Variants in PHF20 observed in about 807,000 individuals in gnomAD.
PHF20 encodes the protein PHD finger protein 20.
Under a neutral mutation model 113.5 loss-of-function variants are expected in PHF20, and 23 were observed. The ratio of observed to expected loss-of-function variants is 0.20; its 90% CI spans 0.15 to 0.29. PHF20 has a LOEUF of 0.29. PHF20 is among the 10% of genes least tolerant of loss of function. The pLI, the probability that PHF20 is intolerant of heterozygous loss-of-function variation, is 1.00. For missense variants in PHF20, 943 were observed against 1,219.6 expected (o/e 0.77, Z 3.38); for synonymous variants, 434 against 457.3 (o/e 0.95, Z 0.65).
At chr20:35,806,783 C>A (rs1430000101) in intron 2 of PHF20, among the ~76,000 whole-genome samples, 1 of 148,766 alleles carries the variant, frequency 6.7e-6, no homozygotes, top group Non-Finnish European at 1.5e-5. Flanking sequence ...TATTCTTAGA[C>A]CTTTACTCTT....
intron 5 of PHF20, 97 bp downstream of exon 5, chr20:35,858,478 G>C: frequency 3.1e-6 from 2 of 636,032 alleles, no homozygotes. Flanking sequence ...ATGATAGCAA[G>C]TGTTTATTTC....
chr20:35,864,426 A>ACG (rs1322835460), intron 6 of PHF20, among the ~76,000 whole-genome samples: 2 of 151,294 alleles, frequency 1.3e-5, no homozygotes, highest in Admixed American at 1.3e-4. Flanking sequence ...ACACACACAC[A>ACG]CACACACACA....
At chr20:35,928,841 G>A (rs1470358947) in intron 14 of PHF20, among the ~76,000 whole-genome samples, 1 of 152,174 alleles carries the variant, frequency 6.6e-6, no homozygotes, top group Non-Finnish European at 1.5e-5. Context: ...GGGGAAGGAG[G>A]AAGGCATGGT....
At chr20:35,827,645 G>T (rs1411733623) in intron 2 of PHF20, among the ~76,000 whole-genome samples, 5 of 152,006 alleles carry the variant, frequency 3.3e-5, no homozygotes, top group African/African-American at 1.2e-4. Flanking sequence ...TTGGCTGGGC[G>T]TGGTGGCGGG....
chr20:35,804,547 CT>C (rs1445071027), intron 2 of PHF20, among the ~76,000 whole-genome samples: 1 of 151,588 alleles, frequency 6.6e-6, no homozygotes, highest in African/African-American at 2.4e-5. Flanking sequence ...AATTTATGTA[CT>C]TTTAGTAGAG....
rs1222853734 is a variant in PHF20 at position 35,871,696 on chromosome 20, G to A, written c.1149G>A (p.Leu383=). The change falls in exon 9 of 18, where the codon CTG becomes CTA. Residue 383 remains leucine (L), a synonymous_variant. Coordinates refer to ENST00000374012, the MANE Select transcript of PHF20 (RefSeq NM_016436.5). Reference sequence around the variant, plus strand: ...AAGCTGGCCAGGTCTCATCTGCACTGACTTGCCACTCCTTTGGGGATGGAT... The same window carrying A: ...AAGCTGGCCAGGTCTCATCTGCACTAACTTGCCACTCCTTTGGGGATGGAT... ...ALEAGQVSSA[L]TCHSFGDGSG... is the part of the protein sequence containing the mutation. 1.2e-6 allele frequency: 2 copies of A among 1,613,674 alleles called. No individual in the cohort carries two copies. Among genetic ancestry groups the A allele is most frequent in the Non-Finnish European group, 1.7e-6 (2 of 1,179,776 alleles).
At chr20:35,787,803 CAG>C (rs1435355010) in intron 1 of PHF20, among the ~76,000 whole-genome samples, 1 of 151,046 alleles carries the variant, frequency 6.6e-6, no homozygotes, top group Non-Finnish European at 1.5e-5. Context: ...CTTTTTGAGA[CAG>C]AGTTTCGCTC....
At chr20:35,901,518 G>A (rs1600904227) in intron 10 of PHF20, among the ~76,000 whole-genome samples, 1 of 152,180 alleles carries the variant, frequency 6.6e-6, no homozygotes, top group African/African-American at 2.4e-5. Flanking sequence ...AAAGGATTGG[G>A]CTTTTTACTT....
intron 2 of PHF20, among the ~76,000 whole-genome samples, chr20:35,806,391 C>T (rs2041882316): frequency 7.0e-6 from 1 of 143,404 alleles, no homozygotes; most frequent in Non-Finnish European, 1.5e-5. Context: ...GAACTCCTGA[C>T]CTCAAGTGTT....
At chr20:35,888,924 G>A (rs1247774996) in intron 9 of PHF20, among the ~76,000 whole-genome samples, 1 of 151,904 alleles carries the variant, frequency 6.6e-6, no homozygotes, top group East Asian at 1.9e-4. Flanking sequence ...CTCCCATAGG[G>A]GAATACATAC....
chr20:35,805,341 C>A (rs1402036276), intron 2 of PHF20, among the ~76,000 whole-genome samples: 1 of 148,168 alleles, frequency 6.7e-6, no homozygotes, highest in Admixed American at 6.8e-5. Flanking sequence ...GCACATGCCA[C>A]CACGCCTGAT....
intron 1 of PHF20, among the ~76,000 whole-genome samples, chr20:35,793,995 C>CAAAAAA (rs56189104): frequency 2.7e-4 from 9 of 33,836 alleles, no homozygotes; most frequent in South Asian, 2.9e-3. Flanking sequence ...GACTCTGTCT[C>CAAAAAA]AAAAAAAAAA....
chr20:35,840,565 G>A (rs2042519693), intron 2 of PHF20, among the ~76,000 whole-genome samples: 1 of 152,166 alleles, frequency 6.6e-6, no homozygotes, highest in Admixed American at 6.6e-5. Context: ...TGGTCAGGAA[G>A]TCACTACTGG....
chr20:35,871,882 C>T, intron 9 of PHF20, 53 bp downstream of exon 9: 2 of 1,299,122 alleles, frequency 1.5e-6, no homozygotes, highest in Non-Finnish European at 2.1e-6. Flanking sequence ...TTTGCTTATG[C>T]TTTGTGAACT....
At chr20:35,860,791 A>G (rs2425182) in intron 5 of PHF20, among the ~76,000 whole-genome samples, 1,894 of 152,282 alleles carry the variant, frequency 0.012, 39 homozygotes, top group African/African-American at 0.044. Context: ...TAGAGGACAG[A>G]ATTATAAACT....
At chr20:35,822,962 T>A (rs1296022050) in intron 2 of PHF20, among the ~76,000 whole-genome samples, 1 of 151,864 alleles carries the variant, frequency 6.6e-6, no homozygotes, top group Non-Finnish European at 1.5e-5. Flanking sequence ...TTTATTACAG[T>A]TGATGAACCA....
Position 35,927,634 on chromosome 20 carries a change from C to T in PHF20, c.2005-146C>T, listed in dbSNP as rs2055667448. ...TGCAGTTCCAGATGTGTGGCAGCAG[C>T]TCAGTTCCACGTTAGTCAGGAGGGA... On this transcript the variant is annotated intron_variant, in intron 13 of 17. Transcript: ENST00000374012. The T allele has an allele frequency of 4.5e-6, 3 of 661,494 alleles. No homozygotes were observed. The African/African-American group carries it at 5.3e-5, about 12-fold the overall frequency. 41.0% of individuals were successfully genotyped at this position (661,494 alleles called of 1,614,324 possible).
rs138778393 is a variant in PHF20 at position 35,858,155 on chromosome 20, A to G, written c.341-147A>G. ...AGATAAGCATACTGTTATCTTGGAC[A>G]TAAGTAAGACTGAATATGATTCTTA... On this transcript the variant is annotated intron_variant, in intron 4 of 17. Transcript: ENST00000374012. 2.3e-3 allele frequency: 969 copies of G among 421,970 alleles called. 10 individuals carry two copies. The highest frequency in any genetic ancestry group is 0.018 in the African/African-American group (895 of 49,206). 26.1% of individuals were successfully genotyped at this position (421,970 alleles called of 1,614,324 possible).
At chr20:35,921,806 C>T (rs972012281) in intron 13 of PHF20, among the ~76,000 whole-genome samples, 5 of 151,824 alleles carry the variant, frequency 3.3e-5, no homozygotes, top group Admixed American at 6.6e-5. Context: ...AGTTTCTACT[C>T]TGTCATCCTT....
Sources: gnomAD v4.1 joint callset for allele counts (sites outside exome capture counted in the v4.1 genomes callset) on GRCh38, gnomAD v4.1.1 for gene constraint, MANE v1.5 for transcripts, NCBI Gene and HGNC (gene_info 2026-07-23, HGNC 2026-07-21) for gene names.